Variants in ARL13A observed in about 807,000 individuals in gnomAD.
ARL13A encodes the protein ADP-ribosylation factor-like protein 13A.
A neutral mutation model predicts 19.1 loss-of-function variants in ARL13A; 16 were observed. The ratio of observed to expected loss-of-function variants is 0.84; its 90% CI spans 0.57 to 1.27. The LOEUF is 1.27. Among genes scored for constraint, ARL13A ranks in the 50% most tolerant of loss-of-function variants. The probability of loss-of-function intolerance (pLI) is 0.00; values close to 1 mark genes in which losing one functional copy is unlikely to be tolerated. For missense variants in ARL13A, 153 were observed against 186.4 expected (o/e 0.82, Z 1.04); for synonymous variants, 69 against 71.3 (o/e 0.97, Z 0.17).
At chrX:100,990,143 C>G (rs758745812) in intron 7 of ARL13A, among the ~76,000 whole-genome samples, 58 of 111,387 alleles carry the variant, frequency 5.2e-4, no homozygotes, top group Admixed American at 7.6e-4. Flanking sequence ...AAATGAAGGG[C>G]AGAGGGGAGA....
At chrX:100,989,666 A>G (rs946624209) in intron 7 of ARL13A, among the ~76,000 whole-genome samples, 6 of 111,778 alleles carry the variant, frequency 5.4e-5, no homozygotes, top group Admixed American at 9.5e-5. Context: ...CACTTCTCCC[A>G]ATACAAAAAT....
At chrX:100,986,670 T>C (rs2085939092) in intron 4 of ARL13A, 126 bp from the exon 5 acceptor site, 1 of 443,312 alleles carries the variant, frequency 2.3e-6, no homozygotes, top group African/African-American at 2.5e-5. Flanking sequence ...TTAAACCTAA[T>C]TCCTGGATAT....
At position 100,985,478 on chromosome X, in the gene ARL13A, A is replaced by G. The variant is rs142775788; in HGVS notation, c.131-189A>G. ...GGATTTCTCAGAGCAGGCTCTAGTC[A>G]GGGTTCAACAAATTATTTGATCTAA... On this transcript the variant is annotated intron_variant, in intron 3 of 7. Transcript: ENST00000450049. Among the ~76,000 whole-genome samples the G allele has an allele frequency of 9.7e-3, 1,079 of 111,581 alleles. 12 individuals carry two copies. The highest frequency in any genetic ancestry group is 0.033 in the African/African-American group (1,028 of 30,719).
At chrX:100,987,986 G>A (rs756202756) in intron 6 of ARL13A, among the ~76,000 whole-genome samples, 1 of 111,867 alleles carries the variant, frequency 8.9e-6, no homozygotes, top group South Asian at 3.8e-4. Flanking sequence ...TGATGGGAGA[G>A]GACAGAAATG....
In ARL13A at chrX:100,986,789, G is replaced by A. The variant is rs1779159098; in HGVS notation, c.381-7G>A. 1.3e-5 allele frequency: 15 copies of A among 1,170,005 alleles called. No individual in the cohort carries two copies. The highest frequency in any genetic ancestry group is 1.7e-5 in the Non-Finnish European group (15 of 865,557). On this transcript the variant is annotated splice_polypyrimidine_tract_variant and splice_region_variant and intron_variant, in intron 4 of 7. Transcript: ENST00000450049. ...TCTTTTCCTCCCTCTCTCATATGCTGTTTTAGTTTAGCAAACAAACAAGAC... is the reference window on the plus strand; with the variant it reads ...TCTTTTCCTCCCTCTCTCATATGCTATTTTAGTTTAGCAAACAAACAAGAC...
chrX:100,974,603 AAG>A (rs1300087590), intron 3 of ARL13A, among the ~76,000 whole-genome samples: 1 of 111,769 alleles, frequency 8.9e-6, no homozygotes, highest in African/African-American at 3.3e-5. Context: ...TGGTCTAGAT[AAG>A]AGAGACAAGT....
Position 100,990,692 on chromosome X carries a change from T to C in ARL13A, c.*104T>C. 1.2e-6 allele frequency: 1 copy of C among 865,630 alleles called. No individual in the cohort carries two copies. Among genetic ancestry groups the C allele is most frequent in the Non-Finnish European group, 1.7e-6 (1 of 605,698 alleles). The allele number at this position is 865,630 out of a possible 1,213,427, so 71.3% of individuals were successfully genotyped here. A position where few individuals can be genotyped will look rare whatever the true frequency, so the allele number is the denominator to read the frequency against. ...TGTACCGAGATGCTGCTGACAAAGC[T>C]TGTGGACAATAAGTCATGGGTGATC... On this transcript the variant is annotated 3_prime_UTR_variant, in exon 8 of 8. Transcript: ENST00000450049.
intron 3 of ARL13A, among the ~76,000 whole-genome samples, chrX:100,980,829 G>C (rs1414203546): frequency 1.8e-5 from 2 of 111,375 alleles, no homozygotes; most frequent in East Asian, 5.7e-4. Flanking sequence ...TCAAGACTGG[G>C]TCCTTCCTTT....
intron 1 of ARL13A, among the ~76,000 whole-genome samples, chrX:100,972,923 A>G (rs76463962): frequency 1.2e-3 from 2 of 1,727 alleles, no homozygotes; most frequent in African/African-American, 4.1e-3. Context: ...CAGACGGGGC[A>G]GCTGCCGGGC....
rs989312608 is a variant in ARL13A at position 100,970,948 on chromosome X, C to T, written c.-15+1139C>T. Among the ~76,000 whole-genome samples, 9 of 112,031 alleles carry T rather than the reference C, an allele frequency of 8.0e-5. No individual in the cohort carries two copies. In the South Asian group the frequency reaches 1.5e-3, roughly 19 times the overall value. ...GGTTAAATATAGATTTATTATATAA[C>T]CCAGCAGTAATACTCCTAGGTATAT... On this transcript the variant is annotated intron_variant, in intron 1 of 7. Transcript: ENST00000450049.
intron 7 of ARL13A, 65 bp downstream of exon 7, chrX:100,988,348 T>A (rs369082220): frequency 4.6e-5 from 55 of 1,205,186 alleles, no homozygotes; most frequent in Non-Finnish European, 5.6e-6. Context: ...ACCAACTAAC[T>A]TTCCCCCCCA....
chrX:100,988,187 C>T lies in ARL13A; in HGVS notation c.654-6C>T. ...TACTACTGCTGTCCTTTCCATCTTC[C>T]ACCAGCTTCTCCACCAGAACAGGAA... On this transcript the variant is annotated splice_polypyrimidine_tract_variant and splice_region_variant and intron_variant, in intron 6 of 7. Transcript: ENST00000450049. The T allele has an allele frequency of 1.7e-6, 2 of 1,201,442 alleles. No homozygotes were observed. Among genetic ancestry groups the T allele is most frequent in the South Asian group, 1.8e-5 (1 of 55,417 alleles).
rs181957082 is a variant in ARL13A, at chrX:100,988,505, G to T, written c.744+222G>T. On this transcript the variant is annotated intron_variant, in intron 7 of 7. Transcript: ENST00000450049. Reference sequence around the variant, plus strand: ...AATACTACGAAGCTTTGCTACAATTGAAGGAGTGGCTTATAGACTCCAGCT... The same window carrying T: ...AATACTACGAAGCTTTGCTACAATTTAAGGAGTGGCTTATAGACTCCAGCT... The T allele has an allele frequency of 3.4e-6, 4 of 1,168,227 alleles. No individual in the cohort carries two copies. The East Asian group carries it at 9.6e-5, about 28-fold the overall frequency.
Position 100,988,456 on chromosome X carries a change from T to C in ARL13A, c.744+173T>C. The stretch of plus-strand genomic sequence containing the variant: ...AGATGAACCCATGAAAGAAGGTGAA[T>C]GTTCTAGGAGAATGAGAGCTCAGAA... On this transcript the variant is annotated intron_variant, in intron 7 of 7. Coordinates refer to ENST00000450049, the MANE Select transcript of ARL13A (RefSeq NM_001162491.2). 4.2e-6 allele frequency: 5 copies of C among 1,197,021 alleles called. No homozygotes were observed. The South Asian group carries it at 5.4e-5, about 13-fold the overall frequency.
rs946552491 is a variant in ARL13A at position 100,986,850 on chromosome X, C to A, written c.435C>A (p.Asp145Glu). The change falls in exon 5 of 8, where the codon GAC becomes GAA. Residue 145 changes from aspartate to glutamate, a missense_variant. Asp to Glu is a conservative substitution (Grantham distance 45). Transcript: ENST00000450049. The stretch of plus-strand genomic sequence containing the variant: ...CCCTCATGCCTTGTGATATTATTGA[C>A]TATCTACTTCTAAAGAAGCTAGTGA... ...KKALMPCDII[D>E]YLLLKKLVKE... 1 of 1,204,099 alleles carries A rather than the reference C, an allele frequency of 8.3e-7. No homozygotes were observed. Among genetic ancestry groups the A allele is most frequent in the African/African-American group, 1.8e-5 (1 of 57,000 alleles).
At chrX:100,974,494 G>C (rs1722945652) in intron 3 of ARL13A, among the ~76,000 whole-genome samples, 1 of 110,751 alleles carries the variant, frequency 9.0e-6, no homozygotes, top group Admixed American at 9.6e-5. Flanking sequence ...CATAGGGTCA[G>C]TAGGCGTGAG....
chrX:100,982,506 T>C (rs867940141), intron 3 of ARL13A, among the ~76,000 whole-genome samples: 1 of 85,881 alleles, frequency 1.2e-5, no homozygotes, highest in African/African-American at 4.1e-5. Flanking sequence ...AATAAATAAA[T>C]AAAATGCTCT....
At chrX:100,975,645 T>C (rs1021770542) in intron 3 of ARL13A, among the ~76,000 whole-genome samples, 4 of 108,934 alleles carry the variant, frequency 3.7e-5, no homozygotes, top group Non-Finnish European at 7.6e-5. Flanking sequence ...TTTTTTTTTT[T>C]TCTCTGAGAC....
rs1266304246 is a variant in ARL13A, at chrX:100,985,897, G to A, written c.361G>A (p.Ala121Thr). The A allele has an allele frequency of 8.3e-7, 1 of 1,205,454 alleles. No homozygotes were observed. The highest frequency in any genetic ancestry group is 1.8e-5 in the African/African-American group (1 of 57,012). ...LTHLLSDKRV[A>T]GKPILILANK... is the part of the protein sequence containing the mutation. ...ACATCTGCTGTCCGATAAAAGAGTG[G>A]CAGGGAAACCCATCTTAATGTAAGA... The change falls in exon 4 of 8, where the codon GCA becomes ACA. Residue 121 changes from alanine to threonine, a missense_variant. Coordinates refer to ENST00000450049, the MANE Select transcript of ARL13A (RefSeq NM_001162491.2).
Sources: gnomAD v4.1 joint callset for allele counts (sites outside exome capture counted in the v4.1 genomes callset) on GRCh38, gnomAD v4.1.1 for gene constraint, MANE v1.5 for transcripts, NCBI Gene and HGNC (gene_info 2026-07-23, HGNC 2026-07-21) for gene names.